SACM1L: variants seen among roughly 807,000 people sequenced by gnomAD.
SACM1L encodes phosphatidylinositol-3-phosphatase SAC1.
Under a neutral mutation model 89.5 loss-of-function variants are expected in SACM1L, and 32 were observed. The ratio of observed to expected loss-of-function variants is 0.36; its 90% CI spans 0.27 to 0.48. SACM1L has a LOEUF of 0.48. Ranked by LOEUF, SACM1L falls within the 20% of genes least tolerant of loss-of-function variation. The pLI is 0.99. For missense variants in SACM1L, 543 were observed against 708.5 expected, an observed-to-expected ratio of 0.77 and a Z score of 2.65; for synonymous variants, 213 against 232.8, an observed-to-expected ratio of 0.92 and a Z score of 0.77.
chr3:45,722,341 A>G (rs1031008778), intron 9 of SACM1L, among the ~76,000 whole-genome samples: 1 of 151,924 alleles, frequency 6.6e-6, no homozygotes, highest in African/African-American at 2.4e-5. Context: ...ATGGAAATGG[A>G]GCCATCTGTC....
intron 5 of SACM1L, among the ~76,000 whole-genome samples, chr3:45,710,042 G>A (rs1219935385): frequency 6.6e-6 from 1 of 152,162 alleles, no homozygotes; most frequent in African/African-American, 2.4e-5. Context: ...GTTCGGTAGT[G>A]TAGCAGTTAC....
intron 4 of SACM1L, 90 bp downstream of exon 4, chr3:45,706,997 A>C (rs1051178286): frequency 2.4e-6 from 3 of 1,227,580 alleles, no homozygotes; most frequent in Non-Finnish European, 2.3e-6. Context: ...GAATACAAAG[A>C]ATGCTATAAT....
chr3:45,707,786 T>A (rs1698431862), intron 4 of SACM1L, among the ~76,000 whole-genome samples: 1 of 152,196 alleles, frequency 6.6e-6, no homozygotes, highest in Non-Finnish European at 1.5e-5. Flanking sequence ...CAGAAGTTGG[T>A]TTAGACTTAG....
At chr3:45,692,316 GTT>G (rs141224972) in intron 1 of SACM1L, among the ~76,000 whole-genome samples, 134,869 of 148,606 alleles carry the variant, frequency 0.91, 61,164 homozygotes, top group Middle Eastern at 0.97. Flanking sequence ...TTGAAAGAGA[GTT>G]TTTTTTTTTT....
intron 4 of SACM1L, among the ~76,000 whole-genome samples, chr3:45,707,490 C>CA (rs1187391410): frequency 6.6e-6 from 1 of 151,056 alleles, no homozygotes; most frequent in Non-Finnish European, 1.5e-5. Flanking sequence ...GATGAAGGTG[C>CA]AAAAAAACAA....
At chr3:45,718,142 G>A (rs1698704483) in intron 7 of SACM1L, among the ~76,000 whole-genome samples, 1 of 152,180 alleles carries the variant, frequency 6.6e-6, no homozygotes, top group Admixed American at 6.5e-5. Context: ...GAAACAGCTG[G>A]CATGTCCATG....
intron 11 of SACM1L, chr3:45,730,484 G>A (rs1260068908): frequency 1.3e-5 from 2 of 152,000 alleles, no homozygotes; most frequent in Non-Finnish European, 1.5e-5. Context: ...AACTGAAATA[G>A]ACAAACTAAC....
intron 1 of SACM1L, among the ~76,000 whole-genome samples, chr3:45,693,174 A>G (rs1054704373): frequency 1.3e-5 from 2 of 152,250 alleles, no homozygotes; most frequent in African/African-American, 4.8e-5. Context: ...AAGGTACAGT[A>G]AATATACGGT....
rs1698477191 is a variant in SACM1L, at chr3:45,709,663, A to G, written c.483+16A>G. ...CTTGGAAAGGGTAAGCTTGATCTTC[A>G]ATTATTTTTATTTTTAGGTTTTTAA... On this transcript the variant is annotated intron_variant, in intron 5 of 19. Coordinates refer to ENST00000389061, the MANE Select transcript of SACM1L (RefSeq NM_014016.5). 1.3e-6 allele frequency: 2 copies of G among 1,585,144 alleles called. No individual in the cohort carries two copies.
intron 14 of SACM1L, 42 bp downstream of exon 14, chr3:45,735,415 CA>C (rs752475221): frequency 6.7e-7 from 1 of 1,484,132 alleles, no homozygotes; most frequent in African/African-American, 1.4e-5. Context: ...AACAACACAG[CA>C]AAAAATTAAA....
intron 1 of SACM1L, among the ~76,000 whole-genome samples, chr3:45,693,324 CAT>C (rs1459487859): frequency 6.6e-6 from 1 of 152,234 alleles, no homozygotes; most frequent in African/African-American, 2.4e-5. Context: ...CAGTACCTAA[CAT>C]AGAGCCTTGT....
At chr3:45,732,269 C>G in intron 13 of SACM1L, 118 bp downstream of exon 13, 1 of 485,890 alleles carries the variant, frequency 2.1e-6, no homozygotes, top group African/African-American at 2.0e-5. Flanking sequence ...CATTGCTTGT[C>G]TGTACTATTT....
In SACM1L at chr3:45,722,083, CA is replaced by C; in HGVS notation, c.764del (p.Gln255ArgfsTer27). The C allele has an allele frequency of 2.5e-6, 4 of 1,603,246 alleles. No individual in the cohort carries two copies. The highest frequency in any genetic ancestry group is 3.4e-6 in the Non-Finnish European group (4 of 1,172,012). On this transcript the variant is annotated frameshift_variant and splice_region_variant, in exon 9 of 20. Transcript: ENST00000389061. LOFTEE classifies it high-confidence loss of function. ...HYNGSKASFV[Q>X]TRGSIPVFWS... The stretch of plus-strand genomic sequence containing the variant: ...CAATGGGAGCAAAGCTTCGTTTGTA[CA>C]GGCAAGTTGTTATGTCTGTTAGGCA...
chr3:45,708,073 C>T (rs1388262775), intron 4 of SACM1L, among the ~76,000 whole-genome samples: 2 of 151,768 alleles, frequency 1.3e-5, no homozygotes, highest in African/African-American at 2.4e-5. Context: ...CTATAACTTA[C>T]AATAGAGTTT....
rs1698320194 is a variant in SACM1L, at chr3:45,703,479, A to T, written c.74A>T (p.Asp25Val). 1 of 1,613,210 alleles carries T rather than the reference A, an allele frequency of 6.2e-7. No individual in the cohort carries two copies. The highest frequency in any genetic ancestry group is 8.5e-7 in the Non-Finnish European group (1 of 1,179,412). The stretch of plus-strand genomic sequence containing the variant: ...AAATTTTATGTGGAAGCTTGTGATG[A>T]TGGAGCAGATGACGTACTTACCATT... ...PEKFYVEACD[D>V]GADDVLTIDR... The change falls in exon 2 of 20, where the codon GAT (aspartate) becomes GTT (valine). Residue 25 changes from aspartate to valine, a missense_variant. Coordinates refer to ENST00000389061, the MANE Select transcript of SACM1L (RefSeq NM_014016.5).
At chr3:45,742,002 G>C (rs537674396) in intron 19 of SACM1L, among the ~76,000 whole-genome samples, 1 of 152,110 alleles carries the variant, frequency 6.6e-6, no homozygotes, top group East Asian at 1.9e-4. Flanking sequence ...ACTGCCCAGC[G>C]CATGCCATTT....
chr3:45,703,310 A>G, intron 1 of SACM1L, 128 bp from the exon 2 acceptor site: 1 of 617,520 alleles, frequency 1.6e-6, no homozygotes. Context: ...AGCAAACTTA[A>G]CAGATTCATC....
At chr3:45,711,796 A>G (rs138183215) in intron 5 of SACM1L, among the ~76,000 whole-genome samples, 62 of 152,296 alleles carry the variant, frequency 4.1e-4, no homozygotes, top group African/African-American at 1.4e-3. Flanking sequence ...TGTAAATTAC[A>G]TCCATAGGGC....
At chr3:45,718,150 A>G (rs1255935140) in intron 7 of SACM1L, among the ~76,000 whole-genome samples, 1 of 152,220 alleles carries the variant, frequency 6.6e-6, no homozygotes, top group Non-Finnish European at 1.5e-5. Flanking sequence ...TGGCATGTCC[A>G]TGGACAGTAG....
Sources: gnomAD v4.1 joint callset for allele counts (sites outside exome capture counted in the v4.1 genomes callset) on GRCh38, gnomAD v4.1.1 for gene constraint, MANE v1.5 for transcripts, NCBI Gene and HGNC (gene_info 2026-07-23, HGNC 2026-07-21) for gene names.